ASCL4: variants seen among roughly 807,000 people sequenced by gnomAD.
ASCL4 encodes the protein achaete-scute family bHLH transcription factor 4.
ASCL4 carries 1 observed loss-of-function variant against 0.3 expected under a neutral mutation model. The observed-to-expected ratio is 3.35, with a 90% confidence interval of 1.19 to 15.89. The LOEUF (loss-of-function observed/expected upper bound fraction) is 15.89. Among genes scored for constraint, ASCL4 ranks in the 30% most tolerant of loss-of-function variants. The pLI is 0.12. For synonymous variants in ASCL4, 137 were observed against 119.5 expected, an observed-to-expected ratio of 1.15 and a Z score of -0.96; for missense variants, 330 against 256.9, an observed-to-expected ratio of 1.28 and a Z score of -1.94.
In ASCL4 at chr12:107,775,557, G is replaced by A. The variant is rs745807831; in HGVS notation, c.339G>A (p.Thr113=). 3.3e-5 allele frequency: 52 copies of A among 1,577,108 alleles called. 1 individual carries two copies. The highest frequency in any genetic ancestry group is 4.3e-5 in the Non-Finnish European group (50 of 1,170,176). The part of the protein sequence containing the change: ...LADKRLSKVE[T]LRAAIDYIKH... ...ACAAGCGCCTCAGCAAAGTGGAGAC[G>A]CTCCGCGCTGCCATCGACTACATCA... Residue 113 remains threonine (T), a synonymous_variant, in exon 1 of 1, where the codon ACG becomes ACA. Transcript: ENST00000342331.
At position 107,775,571 on chromosome 12, in the gene ASCL4, T is replaced by C. The variant is rs775407880; in HGVS notation, c.353T>C (p.Ile118Thr). 4 of 1,580,490 alleles carry C rather than the reference T, an allele frequency of 2.5e-6. No individual in the cohort carries two copies. In the East Asian group the frequency reaches 6.8e-5, roughly 27 times the overall value. ...AAAGTGGAGACGCTCCGCGCTGCCA[T>C]CGACTACATCAAGCACCTGCAGGAG... ...LSKVETLRAA[I>T]DYIKHLQELL... is the part of the protein sequence containing the mutation. The change falls in exon 1 of 1, where the codon ATC becomes ACC. Residue 118 changes from isoleucine to threonine, a missense_variant. Ile to Thr is a moderately conservative substitution (Grantham distance 89). Transcript: ENST00000342331.
At position 107,775,689 on chromosome 12, in the gene ASCL4, C is replaced by T. The variant is rs999826415; in HGVS notation, c.471C>T (p.Ala157=). Residue 157 remains alanine, a synonymous_variant, in exon 1 of 1, where the codon GCC becomes GCT. Coordinates refer to ENST00000342331, the MANE Select transcript of ASCL4 (RefSeq NM_203436.3). ...AECNSDGESK[A]SSAPSPSSEP... is the part of the protein sequence containing the mutation. ...GCAACAGCGACGGGGAGTCCAAGGC[C>T]TCTTCGGCGCCTTCGCCCAGCAGCG... 4.7e-6 allele frequency: 7 copies of T among 1,474,516 alleles called. No homozygotes were observed. Among genetic ancestry groups the T allele is most frequent in the Non-Finnish European group, 5.3e-6 (6 of 1,123,312 alleles). 91.3% of individuals were successfully genotyped at this position (1,474,516 alleles called of 1,614,324 possible). A position where few individuals can be genotyped will look rare whatever the true frequency, so the allele number is the denominator to read the frequency against.
chr12:107,775,971 A>G lies in ASCL4; in HGVS notation c.*234A>G, dbSNP rs576802480. The G allele has an allele frequency of 4.7e-6, 2 of 427,770 alleles. No individual in the cohort carries two copies. The highest frequency in any genetic ancestry group is 1.2e-4 in the South Asian group (1 of 8,510). 26.5% of individuals were successfully genotyped at this position (427,770 alleles called of 1,614,324 possible). A position where few individuals can be genotyped will look rare whatever the true frequency, so the allele number is the denominator to read the frequency against. Reference sequence around the variant, plus strand: ...ACGTGCCTGCAACTTATAGGTGCTTATTAAGGAGACTCTTTTCCTATACTT... The same window carrying G: ...ACGTGCCTGCAACTTATAGGTGCTTGTTAAGGAGACTCTTTTCCTATACTT... On this transcript the variant is annotated 3_prime_UTR_variant, in exon 1 of 1. Transcript: ENST00000342331.
rs1232222732 is a variant in ASCL4, at chr12:107,776,375, G to A, written c.*638G>A. The A allele has an allele frequency of 1.2e-5, 2 of 167,264 alleles. No individual in the cohort carries two copies. Among genetic ancestry groups the A allele is most frequent in the Non-Finnish European group, 2.9e-5 (2 of 68,138 alleles). 10.4% of individuals were successfully genotyped at this position (167,264 alleles called of 1,614,324 possible). On this transcript the variant is annotated 3_prime_UTR_variant, in exon 1 of 1. Transcript: ENST00000342331. ...GAATGATGGTGCCAGGGAATCCGTG[G>A]CTTGGTACACACTGTTTCATCCAGT...
At position 107,776,170 on chromosome 12, in the gene ASCL4, A is replaced by C; in HGVS notation, c.*433A>C. ...CTTTACCGCCACCAAAACAGAAACA[A>C]CCCCAAACAGCCAAAAACAGTCCTT... On this transcript the variant is annotated 3_prime_UTR_variant, in exon 1 of 1. Transcript: ENST00000342331. 1 of 171,196 alleles carries C rather than the reference A, an allele frequency of 5.8e-6. No individual in the cohort carries two copies. The highest frequency in any genetic ancestry group is 1.4e-5 in the Non-Finnish European group (1 of 71,448). 10.6% of individuals were successfully genotyped at this position (171,196 alleles called of 1,614,324 possible). A position where few individuals can be genotyped will look rare whatever the true frequency, so the allele number is the denominator to read the frequency against.
chr12:107,775,468 C>A lies in ASCL4; in HGVS notation c.250C>A (p.Arg84=), dbSNP rs759360120. ...CAAGCGCAACGAGCGCGAGCGGCAGCGGGTGCGCTGCGTGAACGAGGGCTA... is the reference window on the plus strand; with the variant it reads ...CAAGCGCAACGAGCGCGAGCGGCAGAGGGTGCGCTGCGTGAACGAGGGCTA... The part of the protein sequence containing the change: ...LRKRNERERQ[R]VRCVNEGYAR... The change falls in exon 1 of 1, where the codon CGG becomes AGG. Residue 84 remains arginine, a synonymous_variant. Coordinates refer to ENST00000342331, the MANE Select transcript of ASCL4 (RefSeq NM_203436.3). The A allele has an allele frequency of 3.6e-5, 56 of 1,569,324 alleles. No homozygotes were observed. The highest frequency in any genetic ancestry group is 1.8e-4 in the Middle Eastern group (1 of 5,566).
chr12:107,775,726 G>C lies in ASCL4; in HGVS notation c.508G>C (p.Gly170Arg), dbSNP rs746997069. ...APSPSSEPEE[G>R]GS ...TTCGCCCAGCAGCGAGCCCGAGGAG[G>C]GGGGCAGCTAGCGAGCGCCCGAACT... The change falls in exon 1 of 1, where the codon GGG (glycine) becomes CGG (arginine). Residue 170 changes from glycine to arginine, a missense_variant. Coordinates refer to ENST00000342331, the MANE Select transcript of ASCL4 (RefSeq NM_203436.3). 2.8e-6 allele frequency: 4 copies of C among 1,440,540 alleles called. No individual in the cohort carries two copies. The highest frequency in any genetic ancestry group is 1.5e-5 in the African/African-American group (1 of 66,774). The allele number at this position is 1,440,540 out of a possible 1,614,324, so 89.2% of individuals were successfully genotyped here.
rs1290351851 is a variant in ASCL4, at chr12:107,775,340, G to C, written c.122G>C (p.Arg41Pro). 6.2e-7 allele frequency: 1 copy of C among 1,609,042 alleles called. No individual in the cohort carries two copies. The highest frequency in any genetic ancestry group is 1.1e-5 in the South Asian group (1 of 90,892). Residue 41 changes from arginine (R) to proline (P), a missense_variant, in exon 1 of 1, where the codon CGT becomes CCT. Coordinates refer to ENST00000342331, the MANE Select transcript of ASCL4 (RefSeq NM_203436.3). ...PRRDPLRVAL[R>P]LDAACWEWAR... ...AGGGACCCCCTCAGGGTCGCCCTGC[G>C]TCTGGACGCCGCGTGCTGGGAGTGG...
At position 107,775,118 on chromosome 12, in the gene ASCL4, C is replaced by A; in HGVS notation, c.-101C>A. On this transcript the variant is annotated 5_prime_UTR_variant, in exon 1 of 1. Coordinates refer to ENST00000342331, the MANE Select transcript of ASCL4 (RefSeq NM_203436.3). The stretch of plus-strand genomic sequence containing the variant: ...CTTCTGCAAAGACAGACCCACTGAG[C>A]CAGGCAGTCTGCACCAGCACCTCTG... 1 of 1,480,436 alleles carries A rather than the reference C, an allele frequency of 6.8e-7. No homozygotes were observed. The allele number at this position is 1,480,436 out of a possible 1,614,324, so 91.7% of individuals were successfully genotyped here.
Position 107,775,170 on chromosome 12 carries a change from C to G in ASCL4, c.-49C>G. 2 of 1,586,684 alleles carry G rather than the reference C, an allele frequency of 1.3e-6. No homozygotes were observed. Among genetic ancestry groups the G allele is most frequent in the Non-Finnish European group, 1.7e-6 (2 of 1,163,840 alleles). On this transcript the variant is annotated 5_prime_UTR_variant, in exon 1 of 1. Transcript: ENST00000342331. ...TTCTAAGATTCTGTTTCGTCTTCTT[C>G]TATTGAGAGATTGACCTCTTGAGTG...
rs530701731 is a variant in ASCL4, at chr12:107,776,495, G to C, written c.*758G>C. ...AGAGCCCAGATTTGTATGAAAACTT[G>C]TTTTTCCTCTCAATTGTTTTGTCCA... On this transcript the variant is annotated 3_prime_UTR_variant, in exon 1 of 1. Coordinates refer to ENST00000342331, the MANE Select transcript of ASCL4 (RefSeq NM_203436.3). The C allele has an allele frequency of 6.0e-6, 1 of 167,058 alleles. No homozygotes were observed. The highest frequency in any genetic ancestry group is 1.5e-5 in the Non-Finnish European group (1 of 68,136). 10.3% of individuals were successfully genotyped at this position (167,058 alleles called of 1,614,324 possible).
rs753228102 is a variant in ASCL4 at position 107,775,694 on chromosome 12, C to T, written c.476C>T (p.Ser159Leu). The T allele has an allele frequency of 8.8e-6, 13 of 1,469,670 alleles. No homozygotes were observed. In the Admixed American group the frequency reaches 2.2e-4, roughly 25 times the overall value. 91.0% of individuals were successfully genotyped at this position (1,469,670 alleles called of 1,614,324 possible). ...AGCGACGGGGAGTCCAAGGCCTCTT[C>T]GGCGCCTTCGCCCAGCAGCGAGCCC... ...CNSDGESKAS[S>L]APSPSSEPEE... is the part of the protein sequence containing the mutation. Residue 159 changes from serine to leucine, a missense_variant, in exon 1 of 1, where the codon TCG (serine) becomes TTG (leucine). By Grantham distance (145) the Ser-to-Leu change is moderately radical. Transcript: ENST00000342331.
chr12:107,774,947 G>T lies in ASCL4; in HGVS notation c.-272G>T. On this transcript the variant is annotated 5_prime_UTR_variant, in exon 1 of 1. Coordinates refer to ENST00000342331, the MANE Select transcript of ASCL4 (RefSeq NM_203436.3). ...GAAAGAAGATCAGTGGGGAAGACGG[G>T]GTTTGAAGTGTGGATTAGGAGATCC... 2.1e-6 allele frequency: 1 copy of T among 484,370 alleles called. No individual in the cohort carries two copies. The highest frequency in any genetic ancestry group is 3.6e-6 in the Non-Finnish European group (1 of 277,268). The allele number at this position is 484,370 out of a possible 1,614,324, so 30.0% of individuals were successfully genotyped here.
In ASCL4 at chr12:107,775,415, A is replaced by C; in HGVS notation, c.197A>C (p.Asp66Ala). 2 of 1,582,344 alleles carry C rather than the reference A, an allele frequency of 1.3e-6. No individual in the cohort carries two copies. Among genetic ancestry groups the C allele is most frequent in the Non-Finnish European group, 1.7e-6 (2 of 1,169,250 alleles). ...TGGCAGTACTTGCCCGTGCCGCTGG[A>C]CAGCGCCTTCGAGCCCGCCTTCCTC... ...RGWQYLPVPL[D>A]SAFEPAFLRK... is the part of the protein sequence containing the mutation. The change falls in exon 1 of 1, where the codon GAC becomes GCC. Residue 66 changes from aspartate to alanine, a missense_variant. Asp to Ala is a moderately radical substitution (Grantham distance 126). Coordinates refer to ENST00000342331, the MANE Select transcript of ASCL4 (RefSeq NM_203436.3).
rs565742541 is a variant in ASCL4 at position 107,775,861 on chromosome 12, T to G, written c.*124T>G. The G allele has an allele frequency of 8.4e-5, 99 of 1,179,326 alleles. No individual in the cohort carries two copies. The African/African-American group carries it at 1.6e-3, about 18-fold the overall frequency. The allele number at this position is 1,179,326 out of a possible 1,614,324, so 73.1% of individuals were successfully genotyped here. A position where few individuals can be genotyped will look rare whatever the true frequency, so the allele number is the denominator to read the frequency against. On this transcript the variant is annotated 3_prime_UTR_variant, in exon 1 of 1. Coordinates refer to ENST00000342331, the MANE Select transcript of ASCL4 (RefSeq NM_203436.3). ...CTGGCATCTTCTCCAGGCCTAAATC[T>G]TAAGAAAAAGAAATGGGTGCTGGGG...
chr12:107,775,293 G>A lies in ASCL4; in HGVS notation c.75G>A (p.Gly25=). ...SLRTAPLGVP[G]TLPGLPRRDP... ...GCACCGCGCCCCTGGGCGTTCCGGG[G>A]ACCCTGCCCGGACTCCCGCGGAGGG... The change falls in exon 1 of 1, where the codon GGG becomes GGA. Residue 25 remains glycine (G), a synonymous_variant. Transcript: ENST00000342331. 6.2e-7 allele frequency: 1 copy of A among 1,612,016 alleles called. No individual in the cohort carries two copies. The highest frequency in any genetic ancestry group is 8.5e-7 in the Non-Finnish European group (1 of 1,179,090).
chr12:107,776,033 T>C lies in ASCL4; in HGVS notation c.*296T>C, dbSNP rs1891458634. The C allele has an allele frequency of 3.1e-6, 1 of 320,814 alleles. No homozygotes were observed. The highest frequency in any genetic ancestry group is 2.2e-5 in the African/African-American group (1 of 46,430). 19.9% of individuals were successfully genotyped at this position (320,814 alleles called of 1,614,324 possible). A position where few individuals can be genotyped will look rare whatever the true frequency, so the allele number is the denominator to read the frequency against. ...ACTGTTTCAGATTCTGAGCACCTCA[T>C]TGTAAATACGATTATTCTAAAAACT... On this transcript the variant is annotated 3_prime_UTR_variant, in exon 1 of 1. Coordinates refer to ENST00000342331, the MANE Select transcript of ASCL4 (RefSeq NM_203436.3).
rs377379976 is a variant in ASCL4, at chr12:107,775,369, C to T, written c.151C>T (p.Arg51Cys). ...RLDAACWEWA[R>C]SGCARGWQYL... The stretch of plus-strand genomic sequence containing the variant: ...GGACGCCGCGTGCTGGGAGTGGGCG[C>T]GCAGCGGCTGCGCACGGGGATGGCA... Residue 51 changes from arginine to cysteine, a missense_variant, in exon 1 of 1, where the codon CGC becomes TGC. By Grantham distance (180) the Arg-to-Cys change is radical (BLOSUM62 -3). Coordinates refer to ENST00000342331, the MANE Select transcript of ASCL4 (RefSeq NM_203436.3). 4.9e-5 allele frequency: 78 copies of T among 1,604,338 alleles called. No homozygotes were observed. The African/African-American group carries it at 7.9e-4, about 16-fold the overall frequency.
At position 107,775,642 on chromosome 12, in the gene ASCL4, G is replaced by A. The variant is rs746756373; in HGVS notation, c.424G>A (p.Val142Ile). Residue 142 changes from valine to isoleucine, a missense_variant, in exon 1 of 1, where the codon GTC becomes ATC. Physicochemically the swap from Val to Ile is conservative, Grantham distance 29. Transcript: ENST00000342331. ...AWGLEGAAGA[V>I]PQRRAECNSD... ...GGGGCTCGAGGGCGCGGCCGGCGCCGTCCCCCAGCGCAGGGCGGAATGCAA... is the reference window on the plus strand; with the variant it reads ...GGGGCTCGAGGGCGCGGCCGGCGCCATCCCCCAGCGCAGGGCGGAATGCAA... The A allele has an allele frequency of 1.7e-5, 26 of 1,556,302 alleles. No homozygotes were observed. In the South Asian group the frequency reaches 2.7e-4, roughly 16 times the overall value.
Sources: gnomAD v4.1 joint callset for allele counts on GRCh38, gnomAD v4.1.1 for gene constraint, MANE v1.5 for transcripts, NCBI Gene and HGNC (gene_info 2026-07-23, HGNC 2026-07-21) for gene names.